EXOC6B: variants seen among roughly 807,000 people sequenced by gnomAD.
EXOC6B encodes the protein SEC15 homolog B.
EXOC6B carries 54 observed loss-of-function variants against 113.5 expected under a neutral mutation model. That is an observed-to-expected ratio of 0.48 (90% CI 0.38 to 0.60). The LOEUF is 0.60. EXOC6B is among the 20% of genes least tolerant of loss of function. The pLI is 0.00. For missense variants in EXOC6B, 797 were observed against 977.5 expected, an observed-to-expected ratio of 0.82 and a Z score of 2.46; for synonymous variants, 357 against 339.0, an observed-to-expected ratio of 1.05 and a Z score of -0.58.
chr2:72,393,640 G>T (rs1188050643), intron 18 of EXOC6B, among the ~76,000 whole-genome samples: 1 of 152,114 alleles, frequency 6.6e-6, no homozygotes, highest in Non-Finnish European at 1.5e-5. Flanking sequence ...GAAACCAGAA[G>T]AAAACTATAA....
chr2:72,184,229 G>A, intron 20 of EXOC6B, 42 bp from the exon 21 acceptor site: 1 of 1,075,536 alleles, frequency 9.3e-7, no homozygotes, highest in Admixed American at 2.1e-5. Flanking sequence ...TAGTCAGACA[G>A]ACAAGACAAA....
chr2:72,582,834 G>C (rs1705311678), intron 6 of EXOC6B, among the ~76,000 whole-genome samples: 1 of 152,056 alleles, frequency 6.6e-6, no homozygotes, highest in African/African-American at 2.4e-5. Flanking sequence ...GGGGTCAGCA[G>C]GCCCACCTAC....
At chr2:72,226,716 A>G (rs916251779) in intron 20 of EXOC6B, among the ~76,000 whole-genome samples, 1 of 152,214 alleles carries the variant, frequency 6.6e-6, no homozygotes, top group African/African-American at 2.4e-5. Flanking sequence ...TCATAATGTC[A>G]TTACCAAAGC....
intron 5 of EXOC6B, among the ~76,000 whole-genome samples, chr2:72,723,638 T>C (rs1397009180): frequency 6.6e-6 from 1 of 151,844 alleles, no homozygotes; most frequent in Admixed American, 6.6e-5. Context: ...AAGAGCATCA[T>C]TAACAAATAC....
chr2:72,526,209 A>T (rs1425527753), intron 8 of EXOC6B, among the ~76,000 whole-genome samples: 1 of 152,068 alleles, frequency 6.6e-6, no homozygotes, highest in Non-Finnish European at 1.5e-5. Context: ...TGTGGCATTT[A>T]AAAATGTAAA....
intron 6 of EXOC6B, among the ~76,000 whole-genome samples, chr2:72,647,533 T>G (rs1444493925): frequency 1.3e-5 from 2 of 152,116 alleles, no homozygotes; most frequent in African/African-American, 4.8e-5. Context: ...CAAACTATAC[T>G]ACAAGGCTAC....
intron 6 of EXOC6B, among the ~76,000 whole-genome samples, chr2:72,662,267 T>C (rs969129743): frequency 2.0e-5 from 3 of 152,200 alleles, no homozygotes; most frequent in Non-Finnish European, 4.4e-5. Context: ...TGTCCTAGCA[T>C]AAGACAAAAA....
intron 6 of EXOC6B, among the ~76,000 whole-genome samples, chr2:72,691,838 C>G (rs942111692): frequency 6.8e-6 from 1 of 147,988 alleles, no homozygotes; most frequent in Non-Finnish European, 1.5e-5. Flanking sequence ...CCCACCACCC[C>G]ACCTGGATTT....
intron 19 of EXOC6B, among the ~76,000 whole-genome samples, chr2:72,337,983 T>C (rs756993807): frequency 2.0e-5 from 3 of 152,172 alleles, no homozygotes; most frequent in Non-Finnish European, 4.4e-5. Context: ...TGAAAATCTC[T>C]GGATTATAAG....
At position 72,766,036 on chromosome 2, in the gene EXOC6B, G is replaced by A. The variant is rs143584176; in HGVS notation, c.114-24567C>T. On this transcript the variant is annotated intron_variant, in intron 1 of 21. Coordinates refer to ENST00000272427, the MANE Select transcript of EXOC6B (RefSeq NM_015189.3). ...AATTCTTAAGCTATACAAAGAGAGA[G>A]GTTAAGATAAGCAAAAAGACTCAGA... Among the ~76,000 whole-genome samples the A allele has an allele frequency of 1.1e-4, 16 of 152,244 alleles. 1 individual carries two copies. In the East Asian group the frequency reaches 2.1e-3, roughly 20 times the overall value.
intron 8 of EXOC6B, 120 bp downstream of exon 8, chr2:72,559,330 AAAC>A: frequency 1.7e-6 from 1 of 594,666 alleles, no homozygotes; most frequent in South Asian, 5.5e-5. Context: ...AACAGTCCTT[AAAC>A]AACAAGAGTT....
chr2:72,475,575 G>A (rs1467115733), intron 17 of EXOC6B, among the ~76,000 whole-genome samples: 2 of 152,056 alleles, frequency 1.3e-5, no homozygotes, highest in East Asian at 1.9e-4. Context: ...GTTGGGGGGT[G>A]GCAGGTCAAA....
intron 1 of EXOC6B, among the ~76,000 whole-genome samples, chr2:72,823,229 T>TA (rs1686677820): frequency 6.9e-6 from 1 of 144,288 alleles, no homozygotes; most frequent in African/African-American, 2.6e-5. Flanking sequence ...GAAAAGCAAG[T>TA]AAAACTGGTA....
chr2:72,369,325 A>G (rs992735674), intron 19 of EXOC6B, among the ~76,000 whole-genome samples: 1 of 152,208 alleles, frequency 6.6e-6, no homozygotes, highest in Non-Finnish European at 1.5e-5. Context: ...GACCTCTTCA[A>G]GGAGAACTAC....
intron 20 of EXOC6B, among the ~76,000 whole-genome samples, chr2:72,217,547 C>T (rs1159395346): frequency 6.6e-6 from 1 of 152,200 alleles, no homozygotes; most frequent in East Asian, 1.9e-4. Flanking sequence ...AAGAAAAACT[C>T]CCCCATTGGG....
chr2:72,265,239 T>TTTATTATTATTATTA (rs58637794), intron 20 of EXOC6B, among the ~76,000 whole-genome samples: 1,514 of 146,862 alleles, frequency 0.01, 21 homozygotes, highest in African/African-American at 0.025. Flanking sequence ...TAACTATTCT[T>TTTATTATTATTATTA]TTATTATTAT....
chr2:72,391,123 A>C (rs1016408293), intron 18 of EXOC6B, among the ~76,000 whole-genome samples: 6 of 152,040 alleles, frequency 3.9e-5, no homozygotes, highest in Non-Finnish European at 2.9e-5. Flanking sequence ...CTGGGTTTAC[A>C]CTTCATTTGT....
At chr2:72,739,279 T>C (rs1462785535) in intron 2 of EXOC6B, among the ~76,000 whole-genome samples, 1 of 152,166 alleles carries the variant, frequency 6.6e-6, no homozygotes, top group African/African-American at 2.4e-5. Flanking sequence ...TTTTAAGTAT[T>C]GACACCTTAT....
chr2:72,295,430 A>G (rs1033398385), intron 20 of EXOC6B, among the ~76,000 whole-genome samples: 1 of 152,212 alleles, frequency 6.6e-6, no homozygotes, highest in Non-Finnish European at 1.5e-5. Context: ...TCTTGCATGT[A>G]ATGCTGTAGA....
Sources: allele counts gnomAD v4.1 joint callset (sites outside exome capture counted in the v4.1 genomes callset), GRCh38; gene constraint gnomAD v4.1.1; transcripts MANE v1.5; gene names NCBI Gene and HGNC (gene_info 2026-07-23, HGNC 2026-07-21).